The following RBP3 variants were observed in gnomAD, a reference collection of about 807,000 sequenced individuals.
RBP3 encodes retinol binding protein 3.
Under a neutral mutation model 64.8 loss-of-function variants are expected in RBP3, and 50 were observed. That is an observed-to-expected ratio of 0.77 (90% CI 0.61 to 0.98). The LOEUF is 0.98. Ranked by LOEUF, RBP3 falls within the 50% of genes least tolerant of loss-of-function variation. The pLI is 0.00. For synonymous variants in RBP3, 828 were observed against 730.2 expected (o/e 1.13, Z -2.16); for missense variants, 1,712 against 1,660.5 (o/e 1.03, Z -0.54).
intron 3 of RBP3, among the ~76,000 whole-genome samples, chr10:47,356,211 C>T (rs565189578): frequency 1.3e-5 from 2 of 152,310 alleles, no homozygotes; most frequent in Admixed American, 6.5e-5. Context: ...CATGTCCATG[C>T]TTCTGTAATA....
Position 47,351,242 on chromosome 10 carries a change from A to G in RBP3, c.2758A>G (p.Met920Val). 6.2e-7 allele frequency: 1 copy of G among 1,613,382 alleles called. No individual in the cohort carries two copies. Among genetic ancestry groups the G allele is most frequent in the East Asian group, 2.2e-5 (1 of 44,886 alleles). ...AGVEPDITVPMSEALSIAQDI... is the reference protein window; with the variant it reads ...AGVEPDITVPVSEALSIAQDI... Reference sequence around the variant, plus strand: ...TGTGGAGCCCGACATCACTGTGCCCATGAGCGAAGCCCTTTCCATAGCCCA... The same window carrying G: ...TGTGGAGCCCGACATCACTGTGCCCGTGAGCGAAGCCCTTTCCATAGCCCA... Residue 920 changes from methionine to valine, a missense_variant, in exon 1 of 4, where the codon ATG (methionine) becomes GTG (valine). Transcript: ENST00000584701.
chr10:47,355,572 C>A, intron 3 of RBP3, 54 bp downstream of exon 3: 1 of 1,612,418 alleles, frequency 6.2e-7, no homozygotes. Flanking sequence ...TTCTGGGAAA[C>A]CAGGGAAAGA....
chr10:47,351,669 G>C (rs140168027), intron 1 of RBP3, 131 bp downstream of exon 1: 5 of 1,177,892 alleles, frequency 4.2e-6, no homozygotes, highest in Non-Finnish European at 6.2e-6. Context: ...AGTTTTGACC[G>C]GTCAAGTCCT....
chr10:47,352,453 A>T (rs782464055), intron 1 of RBP3, among the ~76,000 whole-genome samples: 1 of 152,232 alleles, frequency 6.6e-6, no homozygotes, highest in Non-Finnish European at 1.5e-5. Context: ...TGCAGCTGAA[A>T]GCAGAGGGGG....
chr10:47,351,572 C>T (rs1836975270), intron 1 of RBP3, 34 bp downstream of exon 1: 1 of 1,612,736 alleles, frequency 6.2e-7, no homozygotes, highest in Non-Finnish European at 8.5e-7. Context: ...TGAACCCAGT[C>T]CCGGGAGTGA....
rs552188961 is a variant in RBP3 at position 47,349,456 on chromosome 10, C to A, written c.972C>A (p.Ser324Arg). ...CCCTGGCCATCCTCACTCTGCGCAG[C>A]GCCCTTCCAGGGGTAGTCCACTGCC... ...EKALAILTLRSALPGVVHCLQ... is the reference protein window; with the variant it reads ...EKALAILTLRRALPGVVHCLQ... Residue 324 changes from serine (S) to arginine (R), a missense_variant, in exon 1 of 4, where the codon AGC (serine) becomes AGA (arginine). Coordinates refer to ENST00000584701, the MANE Select transcript of RBP3 (RefSeq NM_002900.3). 1.9e-6 allele frequency: 3 copies of A among 1,612,582 alleles called. No homozygotes were observed. Among genetic ancestry groups the A allele is most frequent in the South Asian group, 1.1e-5 (1 of 91,086 alleles).
In RBP3 at chr10:47,348,779, C is replaced by T; in HGVS notation, c.295C>T (p.Pro99Ser). ...ISYEPSTPEP[P>S]PQVPALTSLS... ...CTATGAGCCCAGCACCCCCGAGCCTCCCCCACAAGTCCCAGCACTCACCAG... is the reference window on the plus strand; with the variant it reads ...CTATGAGCCCAGCACCCCCGAGCCTTCCCCACAAGTCCCAGCACTCACCAG... The change falls in exon 1 of 4, where the codon CCC becomes TCC. Residue 99 changes from proline to serine, a missense_variant. Coordinates refer to ENST00000584701, the MANE Select transcript of RBP3 (RefSeq NM_002900.3). The T allele has an allele frequency of 6.2e-7, 1 of 1,613,740 alleles. No individual in the cohort carries two copies. The highest frequency in any genetic ancestry group is 8.5e-7 in the Non-Finnish European group (1 of 1,180,032).
At chr10:47,355,613 C>T (rs146107077) in intron 3 of RBP3, 95 bp downstream of exon 3, 4 of 1,521,738 alleles carry the variant, frequency 2.6e-6, no homozygotes. Flanking sequence ...GTCATAGTAA[C>T]CAGAATGTAA....
Position 47,357,358 on chromosome 10 carries a change from G to C in RBP3, c.3645G>C (p.Val1215=). 1 of 1,614,146 alleles carries C rather than the reference G, an allele frequency of 6.2e-7. No individual in the cohort carries two copies. The highest frequency in any genetic ancestry group is 1.3e-5 in the African/African-American group (1 of 75,056). Residue 1215 remains valine (V), a synonymous_variant, in exon 4 of 4, where the codon GTG becomes GTC. Coordinates refer to ENST00000584701, the MANE Select transcript of RBP3 (RefSeq NM_002900.3). ...AAGGGGTGGGGGTGACACCCCATGT[G>C]GTTGTCCCTGCAGAAGAGGCTCTCG... ...SWEGVGVTPH[V]VVPAEEALAR...
intron 2 of RBP3, 32 bp from the exon 3 acceptor site, chr10:47,355,344 C>A: frequency 6.2e-7 from 1 of 1,612,658 alleles, no homozygotes; most frequent in Non-Finnish European, 8.5e-7. Flanking sequence ...GTGAGCTCAG[C>A]CCCTGAACAG....
Position 47,350,011 on chromosome 10 carries a change from C to G in RBP3, c.1527C>G (p.Thr509=), listed in dbSNP as rs542785499. The change falls in exon 1 of 4, where the codon ACC becomes ACG. Residue 509 remains threonine, a synonymous_variant. Coordinates refer to ENST00000584701, the MANE Select transcript of RBP3 (RefSeq NM_002900.3). ...CCGGCCCCGTGCACCTCTTCACCAC[C>G]TATGATCGCCGCACCAACATCACGC... ...PEAGPVHLFT[T]YDRRTNITQE... is the part of the protein sequence containing the mutation. The G allele has an allele frequency of 8.1e-6, 13 of 1,613,070 alleles. No homozygotes were observed. The East Asian group carries it at 2.9e-4, about 36-fold the overall frequency.
In RBP3 at chr10:47,351,202, C is replaced by G. The variant is rs781953062; in HGVS notation, c.2718C>G (p.Ala906=). Residue 906 remains alanine (A), a synonymous_variant, in exon 1 of 4, where the codon GCC becomes GCG. Transcript: ENST00000584701. ...CCATGAGTGCCACCACAGGCAAGGC[C>G]TGGGACCTGGCTGGTGTGGAGCCCG... ...QMAMSATTGK[A]WDLAGVEPDI... 1 of 1,613,300 alleles carries G rather than the reference C, an allele frequency of 6.2e-7. No homozygotes were observed. Among genetic ancestry groups the G allele is most frequent in the Non-Finnish European group, 8.5e-7 (1 of 1,180,038 alleles).
chr10:47,350,412 C>T lies in RBP3; in HGVS notation c.1928C>T (p.Thr643Ile), dbSNP rs782797838. The change falls in exon 1 of 4, where the codon ACA (threonine) becomes ATA (isoleucine). Residue 643 changes from threonine (T) to isoleucine (I), a missense_variant. Physicochemically the swap from Thr to Ile is moderately conservative, Grantham distance 89. Coordinates refer to ENST00000584701, the MANE Select transcript of RBP3 (RefSeq NM_002900.3). ...HQSLGALVEG[T>I]GHLLEAHYAR... ...AGCCTGGGGGCCTTGGTGGAGGGCA[C>T]AGGGCACCTGCTGGAGGCCCACTAT... The T allele has an allele frequency of 7.4e-6, 12 of 1,612,238 alleles. No individual in the cohort carries two copies. The highest frequency in any genetic ancestry group is 1.1e-5 in the South Asian group (1 of 91,080).
chr10:47,357,100 A>G lies in RBP3; in HGVS notation c.3389-2A>G. 1 of 1,609,208 alleles carries G rather than the reference A, an allele frequency of 6.2e-7. No individual in the cohort carries two copies. Among genetic ancestry groups the G allele is most frequent in the Non-Finnish European group, 8.5e-7 (1 of 1,179,814 alleles). ...CATCCTGAAGGGCCTTATGTCTTCC[A>G]GGTGAACGCTATGGCTCCAAGAAGA... On this transcript the variant is annotated splice_acceptor_variant, in intron 3 of 3. Coordinates refer to ENST00000584701, the MANE Select transcript of RBP3 (RefSeq NM_002900.3). LOFTEE classifies it high-confidence loss of function.
chr10:47,349,233 G>A lies in RBP3; in HGVS notation c.749G>A (p.Arg250His), dbSNP rs782477232. ...EDIAHILKQM[R>H]RAIVVGERTG... Reference sequence around the variant, plus strand: ...ATCGCGCACATCCTTAAGCAGATGCGCAGGGCCATCGTGGTGGGCGAGCGG... The same window carrying A: ...ATCGCGCACATCCTTAAGCAGATGCACAGGGCCATCGTGGTGGGCGAGCGG... Residue 250 changes from arginine to histidine, a missense_variant, in exon 1 of 4, where the codon CGC (arginine) becomes CAC (histidine). By Grantham distance (29) the Arg-to-His change is conservative (BLOSUM62 0). Coordinates refer to ENST00000584701, the MANE Select transcript of RBP3 (RefSeq NM_002900.3). 2.4e-5 allele frequency: 38 copies of A among 1,613,410 alleles called. No homozygotes were observed. Among genetic ancestry groups the A allele is most frequent in the Non-Finnish European group, 2.9e-5 (34 of 1,180,016 alleles).
Position 47,357,672 on chromosome 10 carries a change from C to A in RBP3, c.*215C>A. ...TGTATATATATGTATATATATATGG[C>A]TTTCCAATAACCACCTAAATTTTAA... On this transcript the variant is annotated 3_prime_UTR_variant, in exon 4 of 4. Coordinates refer to ENST00000584701, the MANE Select transcript of RBP3 (RefSeq NM_002900.3). 2.3e-6 allele frequency: 1 copy of A among 440,452 alleles called. No individual in the cohort carries two copies. Among genetic ancestry groups the A allele is most frequent in the Non-Finnish European group, 4.0e-6 (1 of 250,516 alleles). The allele number at this position is 440,452 out of a possible 1,614,324, so 27.3% of individuals were successfully genotyped here.
Position 47,350,126 on chromosome 10 carries a change from G to C in RBP3, c.1642G>C (p.Ala548Pro). 1 of 1,613,054 alleles carries C rather than the reference G, an allele frequency of 6.2e-7. No homozygotes were observed. Among genetic ancestry groups the C allele is most frequent in the Non-Finnish European group, 8.5e-7 (1 of 1,180,018 alleles). ...YLLTSHRTAT[A>P]AEEFAFLMQS... The stretch of plus-strand genomic sequence containing the variant: ...GCTCACCAGCCACCGCACCGCCACG[G>C]CCGCGGAGGAGTTCGCCTTCCTTAT... Residue 548 changes from alanine to proline, a missense_variant, in exon 1 of 4, where the codon GCC (alanine) becomes CCC (proline). Ala to Pro is a conservative substitution (Grantham distance 27). Coordinates refer to ENST00000584701, the MANE Select transcript of RBP3 (RefSeq NM_002900.3).
At position 47,351,195 on chromosome 10, in the gene RBP3, G is replaced by A. The variant is rs1555211532; in HGVS notation, c.2711G>A (p.Gly904Asp). ...PTQMAMSATT[G>D]KAWDLAGVEP... ...CAGATGGCCATGAGTGCCACCACAGGCAAGGCCTGGGACCTGGCTGGTGTG... is the reference window on the plus strand; with the variant it reads ...CAGATGGCCATGAGTGCCACCACAGACAAGGCCTGGGACCTGGCTGGTGTG... The change falls in exon 1 of 4, where the codon GGC becomes GAC. Residue 904 changes from glycine to aspartate, a missense_variant. Transcript: ENST00000584701. 1 of 1,613,170 alleles carries A rather than the reference G, an allele frequency of 6.2e-7. No individual in the cohort carries two copies. Among genetic ancestry groups the A allele is most frequent in the African/African-American group, 1.3e-5 (1 of 74,954 alleles).
chr10:47,348,944 C>A lies in RBP3; in HGVS notation c.460C>A (p.His154Asn). 6.2e-7 allele frequency: 1 copy of A among 1,613,862 alleles called. No individual in the cohort carries two copies. Among genetic ancestry groups the A allele is most frequent in the Non-Finnish European group, 8.5e-7 (1 of 1,180,020 alleles). The change falls in exon 1 of 4, where the codon CAC becomes AAC. Residue 154 changes from histidine to asparagine, a missense_variant. By Grantham distance (68) the His-to-Asn change is moderately conservative. Transcript: ENST00000584701. ...LSMMGEFLVA[H>N]VWGNLMGTSA... Reference sequence around the variant, plus strand: ...CATGATGGGGGAGTTCCTGGTGGCCCACGTGTGGGGGAATCTCATGGGCAC... The same window carrying A: ...CATGATGGGGGAGTTCCTGGTGGCCAACGTGTGGGGGAATCTCATGGGCAC...
Sources: allele counts gnomAD v4.1 joint callset (sites outside exome capture counted in the v4.1 genomes callset), GRCh38; gene constraint gnomAD v4.1.1; transcripts MANE v1.5; gene names NCBI Gene and HGNC (gene_info 2026-07-23, HGNC 2026-07-21).